The following IL1RAPL2 variants were observed in gnomAD, a reference collection of about 807,000 sequenced individuals.
IL1RAPL2 encodes X-linked interleukin-1 receptor accessory protein-like 2.
In IL1RAPL2, 3 loss-of-function variants were observed where a neutral mutation model predicts 44.1. The observed-to-expected ratio is 0.07, with a 90% CI of 0.03 to 0.18. The LOEUF (loss-of-function observed/expected upper bound fraction) is 0.18, where lower values mean the gene tolerates loss of function less well. Ranked by LOEUF, IL1RAPL2 falls within the 10% of genes least tolerant of loss-of-function variation. IL1RAPL2 has a pLI of 1.00. For synonymous variants in IL1RAPL2, 181 were observed against 178.8 expected (o/e 1.01, Z -0.10); for missense variants, 391 against 496.4 (o/e 0.79, Z 2.02).
intron 2 of IL1RAPL2, among the ~76,000 whole-genome samples, chrX:104,677,704 C>T (rs960137725): frequency 8.9e-6 from 1 of 112,152 alleles, no homozygotes; most frequent in South Asian, 3.8e-4. Flanking sequence ...GCCTCGCTGC[C>T]GCCTTGCAGT....
chrX:105,069,184 C>A (rs1012064495), intron 2 of IL1RAPL2, among the ~76,000 whole-genome samples: 2 of 112,902 alleles, frequency 1.8e-5, no homozygotes, highest in African/African-American at 3.2e-5. Context: ...GCACATCACA[C>A]AGAGTGGGCA....
intron 5 of IL1RAPL2, among the ~76,000 whole-genome samples, chrX:105,416,335 C>T (rs1228818731): frequency 8.9e-6 from 1 of 111,872 alleles, no homozygotes; most frequent in Non-Finnish European, 1.9e-5. Flanking sequence ...ATCAATGTCT[C>T]AACACCTGAA....
At chrX:104,956,110 C>A (rs772741361) in intron 2 of IL1RAPL2, among the ~76,000 whole-genome samples, 2 of 112,024 alleles carry the variant, frequency 1.8e-5, no homozygotes, top group Non-Finnish European at 3.8e-5. Context: ...TTCAAAAGAG[C>A]CTGATCTCTT....
chrX:105,203,598 T>C (rs2033736126), intron 3 of IL1RAPL2, among the ~76,000 whole-genome samples: 2 of 111,865 alleles, frequency 1.8e-5, no homozygotes, highest in Non-Finnish European at 3.8e-5. Flanking sequence ...CAATCAAAAT[T>C]TTACCTTCAA....
chrX:104,730,696 T>C (rs1221141859), intron 2 of IL1RAPL2, among the ~76,000 whole-genome samples: 76 of 107,767 alleles, frequency 7.1e-4, no homozygotes, highest in African/African-American at 2.2e-3. Flanking sequence ...TGTGCATGTG[T>C]CTTTATAGCA....
chrX:105,052,076 G>T (rs1602923341), intron 2 of IL1RAPL2, among the ~76,000 whole-genome samples: 1 of 112,555 alleles, frequency 8.9e-6, no homozygotes, highest in African/African-American at 3.2e-5. Context: ...CTTATACAAC[G>T]TATGTTACTT....
intron 5 of IL1RAPL2, among the ~76,000 whole-genome samples, chrX:105,295,646 G>A (rs368123627): frequency 8.9e-6 from 1 of 112,031 alleles, no homozygotes; most frequent in East Asian, 2.8e-4. Flanking sequence ...CCTATAGAGT[G>A]ATAAGAAAAA....
chrX:104,712,382 G>A (rs1931476349), intron 2 of IL1RAPL2, among the ~76,000 whole-genome samples: 1 of 110,933 alleles, frequency 9.0e-6, no homozygotes, highest in African/African-American at 3.3e-5. Context: ...AAAGAGTGAA[G>A]TGAAAAGATA....
intron 1 of IL1RAPL2, among the ~76,000 whole-genome samples, chrX:104,658,383 C>T (rs1930314879): frequency 8.9e-6 from 1 of 111,979 alleles, no homozygotes; most frequent in Admixed American, 9.4e-5. Context: ...CCAAATAATG[C>T]ATGTTCTCAC....
At chrX:104,679,890 G>A (rs1930860174) in intron 2 of IL1RAPL2, among the ~76,000 whole-genome samples, 1 of 111,838 alleles carries the variant, frequency 8.9e-6, no homozygotes, top group South Asian at 3.8e-4. Flanking sequence ...TGGCATTCAG[G>A]AAGCTCAACC....
chrX:105,567,812 AT>A (rs1047652032), intron 6 of IL1RAPL2, among the ~76,000 whole-genome samples: 1 of 109,251 alleles, frequency 9.2e-6, no homozygotes, highest in African/African-American at 3.3e-5. Flanking sequence ...GAAATTTCAC[AT>A]GATTTTTTGC....
intron 6 of IL1RAPL2, among the ~76,000 whole-genome samples, chrX:105,604,370 G>A (rs1457948904): frequency 9.0e-6 from 1 of 110,615 alleles, no homozygotes; most frequent in Non-Finnish European, 1.9e-5. Context: ...ATTATCAACA[G>A]CAATATGTCA....
intron 2 of IL1RAPL2, among the ~76,000 whole-genome samples, chrX:105,089,480 G>A (rs896336483): frequency 2.1e-4 from 23 of 110,606 alleles, no homozygotes; most frequent in Non-Finnish European, 1.7e-4. Flanking sequence ...CTGTAGCCCA[G>A]GGTCTTCTAC....
intron 5 of IL1RAPL2, among the ~76,000 whole-genome samples, chrX:105,473,445 C>T (rs1430064212): frequency 9.0e-6 from 1 of 111,668 alleles, no homozygotes; most frequent in Non-Finnish European, 1.9e-5. Flanking sequence ...TCTCTTCTTT[C>T]TGAGCTCTAA....
intron 5 of IL1RAPL2, among the ~76,000 whole-genome samples, chrX:105,339,801 A>G (rs985079517): frequency 5.4e-5 from 6 of 111,844 alleles, no homozygotes; most frequent in African/African-American, 1.9e-4. Flanking sequence ...ACTTAATTAT[A>G]TTTTAAACTA....
At chrX:105,586,145 A>C (rs900850548) in intron 6 of IL1RAPL2, among the ~76,000 whole-genome samples, 10 of 111,831 alleles carry the variant, frequency 8.9e-5, no homozygotes, top group Admixed American at 2.8e-4. Flanking sequence ...AACTTAAGCA[A>C]ATTTATAAGA....
At chrX:104,731,315 A>T (rs919024008) in intron 2 of IL1RAPL2, among the ~76,000 whole-genome samples, 54 of 109,906 alleles carry the variant, frequency 4.9e-4, no homozygotes, top group African/African-American at 1.7e-3. Flanking sequence ...CTGAATGGTA[A>T]TGCCTAGGTT....
At chrX:105,616,689 A>C (rs2037379100) in intron 6 of IL1RAPL2, among the ~76,000 whole-genome samples, 1 of 111,289 alleles carries the variant, frequency 9.0e-6, no homozygotes, top group Non-Finnish European at 1.9e-5. Flanking sequence ...TTTTTGTCAA[A>C]TATGGGTGTG....
intron 5 of IL1RAPL2, among the ~76,000 whole-genome samples, chrX:105,474,071 C>T (rs1307231587): frequency 4.5e-5 from 5 of 111,090 alleles, no homozygotes; most frequent in African/African-American, 1.6e-4. Flanking sequence ...TTGCTAATCC[C>T]CTGACCTCAA....
Sources: allele counts gnomAD v4.1 joint callset (sites outside exome capture counted in the v4.1 genomes callset), GRCh38; gene constraint gnomAD v4.1.1; transcripts MANE v1.5; gene names NCBI Gene and HGNC (gene_info 2026-07-23, HGNC 2026-07-21).